CUL7: variants seen among roughly 807,000 people sequenced by gnomAD.
CUL7 encodes the protein cullin 7, also known as cullin-7.
Under a neutral mutation model 177.7 loss-of-function variants are expected in CUL7, and 96 were observed. That is an observed-to-expected ratio of 0.54 (90% CI 0.46 to 0.64). CUL7 has a LOEUF of 0.64. CUL7 is among the 30% of genes least tolerant of loss of function. The probability of loss-of-function intolerance (pLI) is 0.00; values close to 1 mark genes in which losing one functional copy is unlikely to be tolerated. For missense variants in CUL7, 1,893 were observed against 2,187.9 expected, an observed-to-expected ratio of 0.87 and a Z score of 2.69; for synonymous variants, 824 against 890.2, an observed-to-expected ratio of 0.93 and a Z score of 1.32.
At position 43,038,623 on chromosome 6, in the gene CUL7, G is replaced by A. The variant is rs1462725405; in HGVS notation, c.4510C>T (p.Pro1504Ser). 1 of 1,613,980 alleles carries A rather than the reference G, an allele frequency of 6.2e-7. No homozygotes were observed. The highest frequency in any genetic ancestry group is 8.5e-7 in the Non-Finnish European group (1 of 1,179,890). The change falls in exon 24 of 26, where the codon CCC (proline) becomes TCC (serine). Residue 1504 changes from proline to serine, a missense_variant. By Grantham distance (74) the Pro-to-Ser change is moderately conservative. This residue lies in a region of CUL7 where 248 missense variants were observed against 262.5 expected (regional missense o/e 0.94). Coordinates refer to ENST00000265348, the MANE Select transcript of CUL7 (RefSeq NM_014780.5). The part of the protein sequence containing the change: ...SADMLNQAIG[P>S]LTSSRGPLDL... ...AGGGGGCCTCTTGAAGAGGTGAGGG[G>A]CCCAATCGCCTGATTGAGCATGTCT...
chr6:43,048,915 A>G (rs1581949090), intron 7 of CUL7, among the ~76,000 whole-genome samples: 1 of 150,320 alleles, frequency 6.7e-6, no homozygotes, highest in Non-Finnish European at 1.5e-5. Flanking sequence ...ACAGGTGCCC[A>G]CCACCACGCC....
At chr6:43,042,460 C>T (rs1470443927) in intron 19 of CUL7, among the ~76,000 whole-genome samples, 1 of 152,190 alleles carries the variant, frequency 6.6e-6, no homozygotes, top group African/African-American at 2.4e-5. Flanking sequence ...CCTGCCTCAG[C>T]CTCCCAAGTA....
intron 9 of CUL7, 185 bp downstream of exon 9, chr6:43,047,963 G>A (rs1307385812): frequency 1.7e-6 from 1 of 600,728 alleles, no homozygotes; most frequent in Non-Finnish European, 3.0e-6. Flanking sequence ...AGAGCGTTTT[G>A]ATTTGTGAAC....
chr6:43,047,781 G>A (rs1764038815), intron 9 of CUL7, among the ~76,000 whole-genome samples: 1 of 152,064 alleles, frequency 6.6e-6, no homozygotes, highest in Admixed American at 6.6e-5. Context: ...ATATCCTTTT[G>A]TGTAAAAAAG....
chr6:43,042,562 A>G (rs1208810367), intron 19 of CUL7, among the ~76,000 whole-genome samples: 1 of 152,214 alleles, frequency 6.6e-6, no homozygotes, highest in Non-Finnish European at 1.5e-5. Flanking sequence ...GCTGGCCTCA[A>G]ACTCCTGCCC....
In CUL7 at chr6:43,053,723, A is replaced by C. The variant is rs547052216; in HGVS notation, c.-110T>G. ...ACTTGGGCCCCACCTGGGCCCCGCG[A>C]GGGGGTCGAGACGGAGAGACGGGAG... On this transcript the variant is annotated 5_prime_UTR_variant, in exon 1 of 26. Coordinates refer to ENST00000265348, the MANE Select transcript of CUL7 (RefSeq NM_014780.5). This position sits in a 1 kb window ranked among gnomAD's most constrained non-coding sequence, Gnocchi z 4.1. 34 of 1,452,306 alleles carry C rather than the reference A, an allele frequency of 2.3e-5. No homozygotes were observed. The African/African-American group carries it at 3.7e-4, about 16-fold the overall frequency. 90.0% of individuals were successfully genotyped at this position (1,452,306 alleles called of 1,614,324 possible). A position where few individuals can be genotyped will look rare whatever the true frequency, so the allele number is the denominator to read the frequency against.
In CUL7 at chr6:43,045,890, G is replaced by T; in HGVS notation, c.2766+96C>A. The T allele has an allele frequency of 1.8e-6, 2 of 1,142,060 alleles. No homozygotes were observed. The highest frequency in any genetic ancestry group is 1.3e-6 in the Non-Finnish European group (1 of 767,642). 70.7% of individuals were successfully genotyped at this position (1,142,060 alleles called of 1,614,324 possible). A position where few individuals can be genotyped will look rare whatever the true frequency, so the allele number is the denominator to read the frequency against. On this transcript the variant is annotated intron_variant, in intron 13 of 25. Coordinates refer to ENST00000265348, the MANE Select transcript of CUL7 (RefSeq NM_014780.5). The surrounding 1 kb of genome is among the most constrained non-coding windows in gnomAD (Gnocchi z 4.8). ...ACTACTTTCTGTGGGGCTCAAGACAGGTGGGAGTTAGAAAAAAGTAGGATA... is the reference window on the plus strand; with the variant it reads ...ACTACTTTCTGTGGGGCTCAAGACATGTGGGAGTTAGAAAAAAGTAGGATA...
At chr6:43,042,547 G>A (rs1763534838) in intron 19 of CUL7, among the ~76,000 whole-genome samples, 1 of 152,196 alleles carries the variant, frequency 6.6e-6, no homozygotes, top group African/African-American at 2.4e-5. Flanking sequence ...GGCCATGTTG[G>A]CCAGGCTGGC....
chr6:43,039,238 C>T (rs557198417), intron 22 of CUL7, among the ~76,000 whole-genome samples: 3 of 152,240 alleles, frequency 2.0e-5, no homozygotes, highest in East Asian at 3.9e-4. Flanking sequence ...TCAGTGCCTT[C>T]GAGGATTGCC....
chr6:43,044,870 CA>C lies in CUL7; in HGVS notation c.3053del (p.Leu1018ArgfsTer123), dbSNP rs1763757422. 1.9e-6 allele frequency: 3 copies of C among 1,613,752 alleles called. No individual in the cohort carries two copies. Among genetic ancestry groups the C allele is most frequent in the Non-Finnish European group, 2.5e-6 (3 of 1,179,710 alleles). On this transcript the variant is annotated frameshift_variant, in exon 16 of 26. Coordinates refer to ENST00000265348, the MANE Select transcript of CUL7 (RefSeq NM_014780.5). LOFTEE classifies it high-confidence loss of function. The stretch of plus-strand genomic sequence containing the variant: ...GGTCAGCAAAATTCTGCTCCTGGCG[CA>C]GAGCACCGTTGAGTCTGGGGGTGAG... ...LHLSSRLNGA[L>X]RQEQNFADRF...
Position 43,045,582 on chromosome 6 carries a change from C to T in CUL7, c.2862+5G>A. ...CAGGGCCACACCCCACATCCCTGGC[C>T]CCACCTGCTGGCAGCGCTTTATGCG... On this transcript the variant is annotated splice_donor_5th_base_variant and intron_variant, in intron 14 of 25. Coordinates refer to ENST00000265348, the MANE Select transcript of CUL7 (RefSeq NM_014780.5). The surrounding 1 kb of genome is among the most constrained non-coding windows in gnomAD (Gnocchi z 4.8). 1.2e-6 allele frequency: 2 copies of T among 1,614,138 alleles called. No individual in the cohort carries two copies. The highest frequency in any genetic ancestry group is 1.7e-6 in the Non-Finnish European group (2 of 1,180,024).
At chr6:43,046,202 C>G (rs371635618) in intron 12 of CUL7, 34 bp downstream of exon 12, 1 of 1,614,102 alleles carries the variant, frequency 6.2e-7, no homozygotes, top group South Asian at 1.1e-5. Flanking sequence ...GGAAAGCACA[C>G]GTGTGTGGCA....
chr6:43,047,643 C>T (rs1158075582), intron 9 of CUL7, among the ~76,000 whole-genome samples: 1 of 152,220 alleles, frequency 6.6e-6, no homozygotes. Flanking sequence ...CCCAGGACTT[C>T]TCTGTAGCTC....
chr6:43,052,069 T>C lies in CUL7; in HGVS notation c.580+140A>G. 1 of 1,489,762 alleles carries C rather than the reference T, an allele frequency of 6.7e-7. No homozygotes were observed. Among genetic ancestry groups the C allele is most frequent in the South Asian group, 1.3e-5 (1 of 79,316 alleles). 92.3% of individuals were successfully genotyped at this position (1,489,762 alleles called of 1,614,324 possible). A position where few individuals can be genotyped will look rare whatever the true frequency, so the allele number is the denominator to read the frequency against. On this transcript the variant is annotated intron_variant, in intron 2 of 25. Transcript: ENST00000265348. The surrounding 1 kb of genome is among the most constrained non-coding windows in gnomAD (Gnocchi z 4.5). Reference sequence around the variant, plus strand: ...ACCCTCACTCCCATGCCCACCTCCTTTTCTTCCAACTCTAAGAGAAGGGCA... The same window carrying C: ...ACCCTCACTCCCATGCCCACCTCCTCTTCTTCCAACTCTAAGAGAAGGGCA...
intron 22 of CUL7, among the ~76,000 whole-genome samples, chr6:43,039,358 A>G (rs1379388359): frequency 6.6e-6 from 1 of 152,168 alleles, no homozygotes; most frequent in Non-Finnish European, 1.5e-5. Context: ...AGGCGCCCTG[A>G]CCACAGGTCT....
intron 10 of CUL7, 90 bp from the exon 11 acceptor site, chr6:43,046,691 G>A (rs1457897497): frequency 1.9e-6 from 3 of 1,562,988 alleles, no homozygotes; most frequent in South Asian, 1.1e-5. Flanking sequence ...AGACCATGCA[G>A]CAGTGGGACT....
chr6:43,051,728 G>C lies in CUL7; in HGVS notation c.616C>G (p.Gln206Glu), dbSNP rs537445794. The change falls in exon 3 of 26, where the codon CAA (glutamine) becomes GAA (glutamate). Residue 206 changes from glutamine (Q) to glutamate (E), a missense_variant. By Grantham distance (29) the Gln-to-Glu change is conservative. This residue lies in a region of CUL7 where 653 missense variants were observed against 725.2 expected (regional missense o/e 0.90). Coordinates refer to ENST00000265348, the MANE Select transcript of CUL7 (RefSeq NM_014780.5). This position sits in a 1 kb window ranked among gnomAD's most constrained non-coding sequence, Gnocchi z 5.0. ...TCCAGGTGTTTCTCAATGGCTTCTTGTTGGCTCAGTGACAGAAGGATCTGA... is the reference window on the plus strand; with the variant it reads ...TCCAGGTGTTTCTCAATGGCTTCTTCTTGGCTCAGTGACAGAAGGATCTGA... ...RTQILLSLSQ[Q>E]EAIEKHLDFD... The C allele has an allele frequency of 6.2e-6, 10 of 1,614,136 alleles. No individual in the cohort carries two copies. The highest frequency in any genetic ancestry group is 5.0e-5 in the Admixed American group (3 of 60,014).
At position 43,053,008 on chromosome 6, in the gene CUL7, G is replaced by A. The variant is rs1764562634; in HGVS notation, c.-8-212C>T. On this transcript the variant is annotated intron_variant, in intron 1 of 25. Coordinates refer to ENST00000265348, the MANE Select transcript of CUL7 (RefSeq NM_014780.5). The surrounding 1 kb of genome is among the most constrained non-coding windows in gnomAD (Gnocchi z 4.1). ...GTTGTGAAAGAACACAAAATTTGGGGGCTAAAAGGAAGGTCCCCAAGACCC... is the reference window on the plus strand; with the variant it reads ...GTTGTGAAAGAACACAAAATTTGGGAGCTAAAAGGAAGGTCCCCAAGACCC... Among the ~76,000 whole-genome samples the A allele has an allele frequency of 2.0e-5, 3 of 152,148 alleles. No homozygotes were observed.
In CUL7 at chr6:43,051,902, C is replaced by A; in HGVS notation, c.581-139G>T. On this transcript the variant is annotated intron_variant, in intron 2 of 25. Coordinates refer to ENST00000265348, the MANE Select transcript of CUL7 (RefSeq NM_014780.5). The surrounding 1 kb of genome is among the most constrained non-coding windows in gnomAD (Gnocchi z 5.0). Reference sequence around the variant, plus strand: ...GATTTGCTTCAAAAGCTAAAATTTGCTAACTTATACACATACACACACACA... The same window carrying A: ...GATTTGCTTCAAAAGCTAAAATTTGATAACTTATACACATACACACACACA... The A allele has an allele frequency of 8.7e-7, 1 of 1,153,106 alleles. No individual in the cohort carries two copies. Among genetic ancestry groups the A allele is most frequent in the Non-Finnish European group, 1.3e-6 (1 of 771,566 alleles). 71.4% of individuals were successfully genotyped at this position (1,153,106 alleles called of 1,614,324 possible). A position where few individuals can be genotyped will look rare whatever the true frequency, so the allele number is the denominator to read the frequency against.
Sources: gnomAD v4.1 joint callset for allele counts (sites outside exome capture counted in the v4.1 genomes callset) on GRCh38, gnomAD v4.1.1 for gene constraint, gnomAD v4.1.1 regional missense constraint, Gnocchi (gnomAD v3.1) non-coding constraint, MANE v1.5 for transcripts, NCBI Gene and HGNC (gene_info 2026-07-23, HGNC 2026-07-21) for gene names.